CD82: variants seen among roughly 807,000 people sequenced by gnomAD.
CD82 encodes CD82 molecule.
In CD82, 36 loss-of-function variants were observed where a neutral mutation model predicts 37.4. The ratio of observed to expected loss-of-function variants is 0.96; its 90% confidence interval spans 0.74 to 1.27. The LOEUF (loss-of-function observed/expected upper bound fraction) is 1.27. CD82 is among the 50% of genes most tolerant of loss of function. CD82 has a pLI of 0.00. For missense variants in CD82, 340 were observed against 347.0 expected (o/e 0.98, Z 0.16); for synonymous variants, 158 against 137.4 (o/e 1.15, Z -1.05).
intron 4 of CD82, chr11:44,604,846 T>G: frequency 1.6e-6 from 1 of 615,248 alleles, no homozygotes; most frequent in Non-Finnish European, 2.9e-6. Context: ...TTAGGCTGGA[T>G]GAGGGTGTGG....
chr11:44,571,158 G>A (rs73452897), intron 1 of CD82, among the ~76,000 whole-genome samples: 19,252 of 152,232 alleles, frequency 0.13, 1,285 homozygotes, highest in South Asian at 0.19. Context: ...GCATTAGGAA[G>A]CCCGGGTTCA....
Position 44,587,486 on chromosome 11 carries a change from C to A in CD82, c.-91C>A, listed in dbSNP as rs1853073661. 3 of 456,238 alleles carry A rather than the reference C, an allele frequency of 6.6e-6. No individual in the cohort carries two copies. The highest frequency in any genetic ancestry group is 4.6e-5 in the South Asian group (3 of 64,580). The allele number at this position is 456,238 out of a possible 1,614,324, so 28.3% of individuals were successfully genotyped here. On this transcript the variant is annotated 5_prime_UTR_variant, in exon 2 of 10. It adds an upstream start codon to the 5' untranslated region. Transcript: ENST00000227155. The stretch of plus-strand genomic sequence containing the variant: ...GTCGTGTTTTTCAGAGTCCTCCCTG[C>A]TGCTGTGTGGACGACACGTGGGCAC...
At chr11:44,600,362 G>A (rs543117766) in intron 4 of CD82, 132 bp downstream of exon 4, 20 of 814,664 alleles carry the variant, frequency 2.5e-5, no homozygotes, top group South Asian at 1.6e-4. Context: ...GGGATGTGGC[G>A]AGGTCCTGCT....
chr11:44,566,597 T>C (rs138114219), intron 1 of CD82, among the ~76,000 whole-genome samples: 3 of 152,332 alleles, frequency 2.0e-5, no homozygotes, highest in African/African-American at 7.2e-5. Flanking sequence ...TTGGATTCCA[T>C]TCCCCCTCCA....
intron 3 of CD82, 98 bp from the exon 4 acceptor site, chr11:44,600,060 C>CCCTGA: frequency 8.1e-7 from 1 of 1,230,060 alleles, no homozygotes; most frequent in Non-Finnish European, 1.2e-6. Flanking sequence ...CTCTGTGGCC[C>CCCTGA]CCTGCCCTGC....
At position 44,585,856 on chromosome 11, in the gene CD82, C is replaced by T. The variant is rs115614839; in HGVS notation, c.-102-1619C>T. On this transcript the variant is annotated intron_variant, in intron 1 of 9. Coordinates refer to ENST00000227155, the MANE Select transcript of CD82 (RefSeq NM_002231.4). ...TGCTCTCTCTGCCTCCTCTGAAAAA[C>T]GCAGTGATCTCAAAGTTCTTCTCAT... Among the ~76,000 whole-genome samples the T allele has an allele frequency of 6.2e-3, 951 of 152,342 alleles. 12 individuals carry two copies. The highest frequency in any genetic ancestry group is 0.022 in the African/African-American group (902 of 41,560).
At chr11:44,618,799 G>T in intron 9 of CD82, 76 bp downstream of exon 9, 1 of 1,331,124 alleles carries the variant, frequency 7.5e-7, no homozygotes, top group South Asian at 1.3e-5. Context: ...TCTCCTTGGG[G>T]AGGTGGTGGC....
intron 1 of CD82, among the ~76,000 whole-genome samples, chr11:44,577,465 G>A (rs1041830866): frequency 5.3e-5 from 8 of 152,084 alleles, no homozygotes; most frequent in Non-Finnish European, 8.8e-5. Context: ...CTGGCTGACC[G>A]GGTTGGTTAA....
rs117102681 is a variant in CD82 at position 44,601,039 on chromosome 11, C to T, written c.136+809C>T. Among the ~76,000 whole-genome samples, 668 of 152,272 alleles carry T rather than the reference C, an allele frequency of 4.4e-3. 20 individuals are homozygous for T. In the East Asian group the frequency reaches 0.094, roughly 22 times the overall value. ...GGATAAGAGCCCTTCTGCGCCTGCT[C>T]GGCCTCCTCCAGGAAGCCGTCAGGG... On this transcript the variant is annotated intron_variant, in intron 4 of 9. Transcript: ENST00000227155.
chr11:44,577,501 G>A (rs1250247866), intron 1 of CD82, among the ~76,000 whole-genome samples: 25 of 152,044 alleles, frequency 1.6e-4, no homozygotes, highest in Non-Finnish European at 5.9e-5. Context: ...TGAGAGCAGG[G>A]CCTGTGGCTG....
rs773861588 is a variant in CD82 at position 44,618,311 on chromosome 11, C to T, written c.588C>T (p.Pro196=). The T allele has an allele frequency of 7.1e-5, 114 of 1,613,644 alleles. No homozygotes were observed. Among genetic ancestry groups the T allele is most frequent in the South Asian group, 1.6e-4 (15 of 91,082 alleles). Residue 196 remains proline, a synonymous_variant, in exon 8 of 10, where the codon CCC becomes CCT. Transcript: ENST00000227155. ...TGAGGAAGGGCTTCTGCGAGGCCCCCGGCAACAGGACCCAGAGTGGCAACC... is the reference window on the plus strand; with the variant it reads ...TGAGGAAGGGCTTCTGCGAGGCCCCTGGCAACAGGACCCAGAGTGGCAACC... ...LSVRKGFCEA[P]GNRTQSGNHP...
intron 4 of CD82, among the ~76,000 whole-genome samples, chr11:44,604,132 C>T (rs1309660043): frequency 6.6e-6 from 1 of 152,204 alleles, no homozygotes; most frequent in South Asian, 2.1e-4. Flanking sequence ...ATCTTCATGG[C>T]GCCCAACACA....
intron 4 of CD82, chr11:44,604,827 G>A: frequency 1.7e-6 from 1 of 582,004 alleles, no homozygotes; most frequent in South Asian, 2.0e-5. Context: ...AATAAAGCCG[G>A]GAAGGGGCTT....
At chr11:44,604,941 T>G (rs1853366383) in intron 4 of CD82, 117 bp from the exon 5 acceptor site, 1 of 1,424,384 alleles carries the variant, frequency 7.0e-7, no homozygotes, top group Non-Finnish European at 9.9e-7. Flanking sequence ...AGCAGGGGAA[T>G]GCAGCTGACC....
At chr11:44,588,931 T>C (rs924968781) in intron 2 of CD82, among the ~76,000 whole-genome samples, 1 of 152,208 alleles carries the variant, frequency 6.6e-6, no homozygotes, top group African/African-American at 2.4e-5. Flanking sequence ...TGCTCAGAAA[T>C]GGTCAATTTA....
At chr11:44,618,419 C>CAGCAGA in intron 8 of CD82, 54 bp downstream of exon 8, 3 of 1,480,672 alleles carry the variant, frequency 2.0e-6, no homozygotes, top group Non-Finnish European at 1.9e-6. Flanking sequence ...TGGGGGCCAT[C>CAGCAGA]TGGGCTACTG....
chr11:44,592,347 T>C (rs1399203072), intron 2 of CD82, among the ~76,000 whole-genome samples: 3 of 152,202 alleles, frequency 2.0e-5, no homozygotes, highest in African/African-American at 7.2e-5. Flanking sequence ...CGGACTGCAG[T>C]TAGTGGATGT....
intron 1 of CD82, among the ~76,000 whole-genome samples, chr11:44,583,851 C>T (rs1017533434): frequency 6.6e-6 from 1 of 152,152 alleles, no homozygotes; most frequent in African/African-American, 2.4e-5. Flanking sequence ...GCCTGTGTTG[C>T]TCTTGGACCC....
chr11:44,575,661 G>A (rs1359191119), intron 1 of CD82, among the ~76,000 whole-genome samples: 1 of 152,124 alleles, frequency 6.6e-6, no homozygotes, highest in Non-Finnish European at 1.5e-5. Flanking sequence ...TCTGTGGTGA[G>A]TTTCAGCTCC....
Sources: gnomAD v4.1 joint callset for allele counts (sites outside exome capture counted in the v4.1 genomes callset) on GRCh38, gnomAD v4.1.1 for gene constraint, MANE v1.5 for transcripts, NCBI Gene and HGNC (gene_info 2026-07-23, HGNC 2026-07-21) for gene names.